Variants in ZBTB20 observed in about 807,000 individuals in gnomAD.
The protein encoded by ZBTB20 is zinc finger and BTB domain containing 20.
A neutral mutation model predicts 56.9 loss-of-function variants in ZBTB20; 9 were observed. The observed-to-expected ratio is 0.16, with a 90% CI of 0.10 to 0.28. The LOEUF is 0.28. Among genes scored for constraint, ZBTB20 ranks in the 10% least tolerant of loss-of-function variants. ZBTB20 has a pLI of 1.00. For synonymous variants in ZBTB20, 417 were observed against 420.7 expected, an observed-to-expected ratio of 0.99 and a Z score of 0.11; for missense variants, 655 against 1,003.0, an observed-to-expected ratio of 0.65 and a Z score of 4.69.
chr3:115,056,203 T>C (rs2081774481), intron 2 of ZBTB20, among the ~76,000 whole-genome samples: 1 of 152,018 alleles, frequency 6.6e-6, no homozygotes, highest in Non-Finnish European at 1.5e-5. Flanking sequence ...TTCACAGTAG[T>C]TCAAATGACT....
chr3:114,792,917 C>T (rs2108813096), intron 5 of ZBTB20, among the ~76,000 whole-genome samples: 1 of 146,954 alleles, frequency 6.8e-6, no homozygotes, highest in East Asian at 2.0e-4. Flanking sequence ...GCTTTGTTGC[C>T]CAGGCTGGAG....
chr3:114,581,949 T>C (rs1468772662), intron 6 of ZBTB20, among the ~76,000 whole-genome samples: 1 of 152,184 alleles, frequency 6.6e-6, no homozygotes, highest in South Asian at 2.1e-4. Context: ...TGTGGTCTTG[T>C]TTGTGATTGG....
At chr3:114,368,296 G>T (rs1277638270) in intron 10 of ZBTB20, among the ~76,000 whole-genome samples, 1 of 152,178 alleles carries the variant, frequency 6.6e-6, no homozygotes, top group Non-Finnish European at 1.5e-5. Flanking sequence ...TAGACCATGG[G>T]GGTGAGAAAA....
chr3:114,874,943 G>T (rs537421442), intron 4 of ZBTB20, among the ~76,000 whole-genome samples: 2 of 152,102 alleles, frequency 1.3e-5, no homozygotes, highest in Admixed American at 6.5e-5. Flanking sequence ...TATGCTACAG[G>T]GGGGAGGAGC....
chr3:114,449,453 G>T (rs1305958553), intron 7 of ZBTB20, among the ~76,000 whole-genome samples: 2 of 152,024 alleles, frequency 1.3e-5, no homozygotes, highest in Non-Finnish European at 2.9e-5. Context: ...ACTTGAGAAA[G>T]GTAACCAAGT....
chr3:114,398,591 G>T (rs2086544575), intron 7 of ZBTB20, among the ~76,000 whole-genome samples: 1 of 152,090 alleles, frequency 6.6e-6, no homozygotes, highest in Non-Finnish European at 1.5e-5. Flanking sequence ...GTAAGAATTT[G>T]CATTAGTTAA....
Position 114,338,003 on chromosome 3 carries a change from T to G in ZBTB20, c.*1002A>C, listed in dbSNP as rs2079519172. ...GTCACTTTTGCCCCTCTATAAAATT[T>G]TGAATTAAAAAAGCCTCAAGAACTT... On this transcript the variant is annotated 3_prime_UTR_variant, in exon 12 of 12. Coordinates refer to ENST00000675478, the MANE Select transcript of ZBTB20 (RefSeq NM_001348800.3). 6.6e-6 allele frequency: 1 copy of G among 152,024 alleles called. No homozygotes were observed. Among genetic ancestry groups the G allele is most frequent in the Non-Finnish European group, 1.5e-5 (1 of 68,006 alleles). 9.4% of individuals were successfully genotyped at this position (152,024 alleles called of 1,614,324 possible). A position where few individuals can be genotyped will look rare whatever the true frequency, so the allele number is the denominator to read the frequency against.
At chr3:114,982,415 T>C (rs1487290822) in intron 2 of ZBTB20, among the ~76,000 whole-genome samples, 3 of 152,088 alleles carry the variant, frequency 2.0e-5, no homozygotes, top group African/African-American at 4.8e-5. Context: ...TCTTGGCAGA[T>C]TGCTACCAAA....
At chr3:114,960,788 G>A (rs2077420600) in intron 3 of ZBTB20, among the ~76,000 whole-genome samples, 1 of 152,042 alleles carries the variant, frequency 6.6e-6, no homozygotes, top group Non-Finnish European at 1.5e-5. Flanking sequence ...ACATTTAATA[G>A]CTATCAGAAA....
chr3:115,068,309 G>C (rs2082281997), intron 2 of ZBTB20, among the ~76,000 whole-genome samples: 1 of 151,916 alleles, frequency 6.6e-6, no homozygotes, highest in South Asian at 2.1e-4. Flanking sequence ...TATGGAAATG[G>C]TATACCTAAA....
chr3:114,943,570 A>G (rs1256236272), intron 3 of ZBTB20, among the ~76,000 whole-genome samples: 3 of 145,638 alleles, frequency 2.1e-5, no homozygotes, highest in Admixed American at 2.0e-4. Context: ...AGAACTAAAA[A>G]TAAAACAAAA....
intron 10 of ZBTB20, among the ~76,000 whole-genome samples, chr3:114,364,307 TG>T (rs1465689215): frequency 1.3e-5 from 2 of 152,096 alleles, no homozygotes; most frequent in African/African-American, 4.8e-5. Flanking sequence ...CAAAATTAGC[TG>T]GGCATGGTGG....
intron 4 of ZBTB20, among the ~76,000 whole-genome samples, chr3:114,817,958 T>TA (rs2073037884): frequency 6.6e-6 from 1 of 152,094 alleles, no homozygotes; most frequent in Non-Finnish European, 1.5e-5. Flanking sequence ...TCTATGTAAA[T>TA]ACATGCTGAA....
intron 6 of ZBTB20, among the ~76,000 whole-genome samples, chr3:114,513,149 A>T (rs958031008): frequency 3.9e-5 from 6 of 152,308 alleles, no homozygotes; most frequent in African/African-American, 1.4e-4. Context: ...GGGAGAATTT[A>T]ATGTATGTAT....
intron 5 of ZBTB20, among the ~76,000 whole-genome samples, chr3:114,702,694 T>G (rs534050959): frequency 3.3e-5 from 5 of 151,458 alleles, no homozygotes; most frequent in Non-Finnish European, 7.4e-5. Context: ...TGTGTGTATG[T>G]AAAGATAAAG....
chr3:114,494,657 T>C (rs1261287774), intron 7 of ZBTB20, among the ~76,000 whole-genome samples: 1 of 152,222 alleles, frequency 6.6e-6, no homozygotes, highest in Non-Finnish European at 1.5e-5. Flanking sequence ...CCTTTTCTAC[T>C]GAGACTATCG....
chr3:114,656,708 G>T (rs1052134348), intron 6 of ZBTB20, among the ~76,000 whole-genome samples: 1 of 151,838 alleles, frequency 6.6e-6, no homozygotes, highest in African/African-American at 2.4e-5. Context: ...TCATTTCTCT[G>T]CTTATTTTCT....
chr3:115,069,409 C>G (rs2082324572), intron 2 of ZBTB20, among the ~76,000 whole-genome samples: 1 of 152,100 alleles, frequency 6.6e-6, no homozygotes, highest in Admixed American at 6.6e-5. Flanking sequence ...TGGGTGAGTA[C>G]TGTGTAAGCA....
At chr3:114,999,310 G>A (rs1436612431) in intron 2 of ZBTB20, among the ~76,000 whole-genome samples, 1 of 147,340 alleles carries the variant, frequency 6.8e-6, no homozygotes, top group Non-Finnish European at 1.5e-5. Context: ...AATGAAAGGG[G>A]GAGGGAAATT....
Sources: gnomAD v4.1 joint callset for allele counts (sites outside exome capture counted in the v4.1 genomes callset) on GRCh38, gnomAD v4.1.1 for gene constraint, MANE v1.5 for transcripts, NCBI Gene and HGNC (gene_info 2026-07-23, HGNC 2026-07-21) for gene names.